Variants in BCL2L13 observed in about 807,000 individuals in gnomAD.
BCL2L13 encodes bcl-2-like protein 13.
In BCL2L13, 13 loss-of-function variants were observed where a neutral mutation model predicts 25.8. That is an observed-to-expected ratio of 0.50 (90% CI 0.33 to 0.80). BCL2L13 has a LOEUF of 0.80. BCL2L13 is among the 30% of genes least tolerant of loss of function. The probability of loss-of-function intolerance (pLI) is 0.02; values close to 1 mark genes in which losing one functional copy is unlikely to be tolerated. For synonymous variants in BCL2L13, 244 were observed against 230.3 expected, an observed-to-expected ratio of 1.06 and a Z score of -0.54; for missense variants, 504 against 574.9, an observed-to-expected ratio of 0.88 and a Z score of 1.26.
rs367622568 is a variant in BCL2L13, at chr22:17,706,851, G to A, written c.600+4465G>A. 1.3e-3 allele frequency: 1,702 copies of A among 1,348,760 alleles called. 4 individuals carry two copies. Among genetic ancestry groups the A allele is most frequent in the Non-Finnish European group, 1.4e-3 (1,470 of 1,018,918 alleles). The allele number at this position is 1,348,760 out of a possible 1,614,324, so 83.5% of individuals were successfully genotyped here. On this transcript the variant is annotated intron_variant, in intron 6 of 6. Transcript: ENST00000317582. The stretch of plus-strand genomic sequence containing the variant: ...GTAAGGCTTGTATTTTACTTTCTCC[G>A]TCGTCACATGATAAATACTTCTTGT...
chr22:17,640,899 T>TATA (rs374146831), intron 1 of BCL2L13, among the ~76,000 whole-genome samples: 46 of 60,622 alleles, frequency 7.6e-4, no homozygotes, highest in African/African-American at 1.6e-3. Flanking sequence ...TATATATATA[T>TATA]TTTTTTTTTG....
chr22:17,683,885 CTATTT>C (rs1198920114), intron 3 of BCL2L13, among the ~76,000 whole-genome samples: 1 of 134,050 alleles, frequency 7.5e-6, no homozygotes, highest in Non-Finnish European at 1.6e-5. Flanking sequence ...ATTATTATTA[CTATTT>C]CAGAGACAGG....
intron 2 of BCL2L13, among the ~76,000 whole-genome samples, chr22:17,678,399 C>T (rs750263671): frequency 6.6e-6 from 1 of 152,084 alleles, no homozygotes; most frequent in South Asian, 2.1e-4. Context: ...CCTTTCTGCT[C>T]TCTGTTAACT....
intron 2 of BCL2L13, among the ~76,000 whole-genome samples, chr22:17,669,535 G>A (rs1418923173): frequency 1.3e-5 from 2 of 152,188 alleles, no homozygotes; most frequent in African/African-American, 4.8e-5. Flanking sequence ...AACTGAGCAA[G>A]AACTCACTGA....
At chr22:17,702,126 A>G in intron 5 of BCL2L13, 117 bp from the exon 6 acceptor site, 2 of 840,106 alleles carry the variant, frequency 2.4e-6, no homozygotes, top group Middle Eastern at 2.6e-4. Flanking sequence ...CCTTTATATA[A>G]TGAAAATAAA....
At position 17,684,587 on chromosome 22, in the gene BCL2L13, C is replaced by CA. The variant is rs756023594; in HGVS notation, c.229+1267dup. 2.2e-5 allele frequency: 10 copies of CA among 453,728 alleles called. No homozygotes were observed. The East Asian group carries it at 7.0e-4, about 32-fold the overall frequency. The allele number at this position is 453,728 out of a possible 1,614,324, so 28.1% of individuals were successfully genotyped here. On this transcript the variant is annotated intron_variant, in intron 3 of 6. Transcript: ENST00000317582. The stretch of plus-strand genomic sequence containing the variant: ...GTGGTGGTGGTGGTGTTTTGAGATG[C>CA]AGTTTCGCTCTCATTGCCCAGGCTG...
chr22:17,660,975 C>T (rs1375501631), intron 2 of BCL2L13, among the ~76,000 whole-genome samples: 1 of 141,740 alleles, frequency 7.1e-6, no homozygotes, highest in African/African-American at 2.5e-5. Flanking sequence ...GACGGGGCTT[C>T]ACCATGTTGC....
At chr22:17,665,744 G>A (rs1234155788) in intron 2 of BCL2L13, among the ~76,000 whole-genome samples, 1 of 152,068 alleles carries the variant, frequency 6.6e-6, no homozygotes, top group Non-Finnish European at 1.5e-5. Flanking sequence ...ACCAACATTT[G>A]TTTTCTGTTT....
Position 17,645,224 on chromosome 22 carries a change from GAT to G in BCL2L13, c.-51+6339_-51+6340del, listed in dbSNP as rs1491173796. Reference sequence around the variant, plus strand: ...TGCTTTACATAAGAACTAATAGTAGGATTTTTTTTTTTTTTTTTTTTTGGAGG... The same window carrying G: ...TGCTTTACATAAGAACTAATAGTAGGTTTTTTTTTTTTTTTTTTTTGGAGG... On this transcript the variant is annotated intron_variant, in intron 1 of 6. Transcript: ENST00000317582. 1.7e-3 allele frequency among the ~76,000 whole-genome samples: 209 copies of G among 124,090 alleles called. 8 individuals are homozygous for G. Among genetic ancestry groups the G allele is most frequent in the African/African-American group, 6.5e-3 (200 of 30,842 alleles). The allele number at this position is 124,090 out of a possible 152,430, so 81.4% of individuals were successfully genotyped here.
intron 2 of BCL2L13, among the ~76,000 whole-genome samples, chr22:17,664,421 C>T (rs1012399422): frequency 1.3e-5 from 2 of 152,180 alleles, no homozygotes; most frequent in Admixed American, 6.5e-5. Flanking sequence ...AGCCACCCCC[C>T]CCCGGCTCCT....
intron 1 of BCL2L13, among the ~76,000 whole-genome samples, chr22:17,649,285 C>T (rs1277718782): frequency 2.0e-5 from 3 of 151,804 alleles, no homozygotes; most frequent in East Asian, 1.9e-4. Context: ...TTAGTAGGGA[C>T]GGGGTTTCAC....
upstream of BCL2L13, among the ~76,000 whole-genome samples, chr22:17,635,772 C>T (rs866391705): frequency 1.4e-4 from 21 of 151,448 alleles, no homozygotes; most frequent in Admixed American, 4.0e-4. Flanking sequence ...TGCAGTGGTG[C>T]GATCTCGGCT....
chr22:17,633,633 G>A (rs927449210), upstream of BCL2L13, among the ~76,000 whole-genome samples: 2 of 152,138 alleles, frequency 1.3e-5, no homozygotes, highest in African/African-American at 4.8e-5. Context: ...TAACTCTGGA[G>A]TTTGCTCAGG....
At chr22:17,696,913 G>A (rs980723753) in intron 5 of BCL2L13, among the ~76,000 whole-genome samples, 1 of 152,122 alleles carries the variant, frequency 6.6e-6, no homozygotes, top group Non-Finnish European at 1.5e-5. Context: ...GGGTGGCTTA[G>A]TGCAGTGTGA....
chr22:17,709,450 C>T (rs2060683469), intron 6 of BCL2L13, among the ~76,000 whole-genome samples: 1 of 151,674 alleles, frequency 6.6e-6, no homozygotes, highest in Non-Finnish European at 1.5e-5. Flanking sequence ...CAAAAATTAG[C>T]CAGGCATGGT....
intron 1 of BCL2L13, among the ~76,000 whole-genome samples, chr22:17,653,080 A>G (rs946433452): frequency 1.8e-4 from 28 of 152,080 alleles, no homozygotes; most frequent in African/African-American, 6.7e-4. Context: ...AAAGAGAAAA[A>G]ACAGAGTGGT....
intron 1 of BCL2L13, among the ~76,000 whole-genome samples, chr22:17,641,342 A>AAC (rs1179081191): frequency 1.2e-4 from 18 of 152,108 alleles, no homozygotes; most frequent in Non-Finnish European, 2.2e-4. Context: ...GTTCTTGTTT[A>AAC]ATATATATAC....
At chr22:17,706,257 C>T (rs901952308) in intron 6 of BCL2L13, among the ~76,000 whole-genome samples, 8 of 151,974 alleles carry the variant, frequency 5.3e-5, no homozygotes, top group African/African-American at 9.7e-5. Context: ...CAATCCTCCC[C>T]GCTTGGCCTC....
intron 6 of BCL2L13, among the ~76,000 whole-genome samples, chr22:17,716,219 C>A (rs536313177): frequency 2.6e-5 from 4 of 152,236 alleles, no homozygotes; most frequent in South Asian, 2.1e-4. Context: ...TAAGCCAGAC[C>A]CTGCTGGAGC....
Sources: allele counts gnomAD v4.1 joint callset (sites outside exome capture counted in the v4.1 genomes callset), GRCh38; gene constraint gnomAD v4.1.1; transcripts MANE v1.5; gene names NCBI Gene and HGNC (gene_info 2026-07-23, HGNC 2026-07-21).